PCCA: variants seen among roughly 807,000 people sequenced by gnomAD.
The protein encoded by PCCA is propionyl-CoA carboxylase subunit alpha.
Under a neutral mutation model 101.3 loss-of-function variants are expected in PCCA, and 74 were observed. The observed-to-expected ratio is 0.73, with a 90% CI of 0.61 to 0.89. PCCA has a LOEUF of 0.89. PCCA is among the 40% of genes least tolerant of loss of function. PCCA has a pLI of 0.00. For missense variants in PCCA, 891 were observed against 907.0 expected (o/e 0.98, Z 0.23); for synonymous variants, 294 against 313.6 (o/e 0.94, Z 0.66).
chr13:100,133,458 G>A (rs1253502476), intron 4 of PCCA, among the ~76,000 whole-genome samples: 1 of 152,110 alleles, frequency 6.6e-6, no homozygotes, highest in African/African-American at 2.4e-5. Flanking sequence ...TCATGTCTAA[G>A]AACTCTTTAC....
At chr13:100,306,255 C>T (rs2066440073) in intron 14 of PCCA, among the ~76,000 whole-genome samples, 1 of 152,224 alleles carries the variant, frequency 6.6e-6, no homozygotes, top group Non-Finnish European at 1.5e-5. Context: ...TTCCGCTCTT[C>T]TCTTCCCACC....
At chr13:100,442,000 T>TA (rs67742024) in intron 20 of PCCA, among the ~76,000 whole-genome samples, 3 of 93,772 alleles carry the variant, frequency 3.2e-5, no homozygotes, top group Non-Finnish European at 5.1e-5. Context: ...TTTTTTTTTT[T>TA]TTTTTATTTT....
At chr13:100,403,852 C>G (rs1288620801) in intron 19 of PCCA, among the ~76,000 whole-genome samples, 1 of 152,128 alleles carries the variant, frequency 6.6e-6, no homozygotes, top group African/African-American at 2.4e-5. Context: ...GCAAACACTG[C>G]GAACTTCCTG....
intron 19 of PCCA, among the ~76,000 whole-genome samples, chr13:100,389,516 G>A (rs921289602): frequency 6.6e-6 from 1 of 152,070 alleles, no homozygotes; most frequent in Non-Finnish European, 1.5e-5. Context: ...GAAAAATAAT[G>A]GATACTAGGC....
chr13:100,212,220 A>C (rs1319328777), intron 7 of PCCA, among the ~76,000 whole-genome samples: 1 of 152,214 alleles, frequency 6.6e-6, no homozygotes, highest in African/African-American at 2.4e-5. Flanking sequence ...TAGCCCATGC[A>C]CACCTATTTT....
At chr13:100,363,195 C>A (rs115546809) in intron 18 of PCCA, among the ~76,000 whole-genome samples, 2,874 of 152,068 alleles carry the variant, frequency 0.019, 91 homozygotes, top group African/African-American at 0.067. Flanking sequence ...GTGAGTTTTC[C>A]AGTGAATTGC....
chr13:100,271,723 G>T (rs926034064), intron 11 of PCCA, among the ~76,000 whole-genome samples: 2 of 152,158 alleles, frequency 1.3e-5, no homozygotes, highest in Admixed American at 1.3e-4. Flanking sequence ...CTTTTAAGGA[G>T]TTCTTGTTTT....
At chr13:100,508,209 G>A (rs1443775021) in intron 21 of PCCA, among the ~76,000 whole-genome samples, 2 of 152,112 alleles carry the variant, frequency 1.3e-5, no homozygotes, top group Non-Finnish European at 2.9e-5. Context: ...CCTTAAGATG[G>A]TTCTTTTCTC....
At chr13:100,093,809 C>T (rs1247809558) in intron 1 of PCCA, among the ~76,000 whole-genome samples, 2 of 152,050 alleles carry the variant, frequency 1.3e-5, no homozygotes, top group Non-Finnish European at 1.5e-5. Context: ...TGTGGTGGCA[C>T]GTGCCTGTGG....
intron 19 of PCCA, among the ~76,000 whole-genome samples, chr13:100,384,801 A>C (rs1031843502): frequency 6.6e-6 from 1 of 152,130 alleles, no homozygotes; most frequent in Non-Finnish European, 1.5e-5. Flanking sequence ...TGGCTTAAAT[A>C]CAGAGAAGGC....
chr13:100,300,479 G>A (rs1273280867), intron 12 of PCCA, among the ~76,000 whole-genome samples: 1 of 152,098 alleles, frequency 6.6e-6, no homozygotes, highest in African/African-American at 2.4e-5. Context: ...CTTTTCCTGT[G>A]TCAGAGTGTA....
chr13:100,281,953 A>G (rs1382852644), intron 12 of PCCA, among the ~76,000 whole-genome samples: 2 of 152,170 alleles, frequency 1.3e-5, no homozygotes, highest in African/African-American at 4.8e-5. Context: ...TTATCAGTTT[A>G]CCTCTTAAAT....
intron 4 of PCCA, among the ~76,000 whole-genome samples, chr13:100,122,375 C>T (rs1190715531): frequency 6.6e-6 from 1 of 152,126 alleles, no homozygotes; most frequent in Non-Finnish European, 1.5e-5. Flanking sequence ...AAACCTTTCT[C>T]TCATCTTCTA....
chr13:100,411,821 C>G (rs1390052799), intron 19 of PCCA, among the ~76,000 whole-genome samples: 1 of 152,114 alleles, frequency 6.6e-6, no homozygotes, highest in Admixed American at 6.5e-5. Flanking sequence ...GAGGGCTCCA[C>G]CCCCACCACC....
intron 20 of PCCA, among the ~76,000 whole-genome samples, chr13:100,446,851 G>C (rs1377360422): frequency 6.6e-6 from 1 of 152,110 alleles, no homozygotes; most frequent in Non-Finnish European, 1.5e-5. Flanking sequence ...TTTTTACAAG[G>C]CTTATTCTGA....
chr13:100,204,979 T>C (rs983406529), intron 6 of PCCA, among the ~76,000 whole-genome samples: 1 of 152,116 alleles, frequency 6.6e-6, no homozygotes, highest in Non-Finnish European at 1.5e-5. Flanking sequence ...TGAATCACTT[T>C]AATGATGAAA....
intron 21 of PCCA, among the ~76,000 whole-genome samples, chr13:100,472,273 C>T (rs2083079534): frequency 6.6e-6 from 1 of 152,042 alleles, no homozygotes; most frequent in African/African-American, 2.4e-5. Flanking sequence ...TCCCTGGGCA[C>T]GACGACCTTG....
At chr13:100,172,264 A>G (rs1279862152) in intron 6 of PCCA, among the ~76,000 whole-genome samples, 2 of 152,084 alleles carry the variant, frequency 1.3e-5, no homozygotes, top group African/African-American at 2.4e-5. Flanking sequence ...ACATGAGACA[A>G]ACTTTTGAAG....
chr13:100,433,036 C>G (rs889907598), intron 20 of PCCA, among the ~76,000 whole-genome samples: 13 of 152,118 alleles, frequency 8.5e-5, no homozygotes, highest in South Asian at 2.1e-4. Context: ...TTATCCATTC[C>G]TCTGTCAACG....
Sources: gnomAD v4.1 joint callset for allele counts (sites outside exome capture counted in the v4.1 genomes callset) on GRCh38, gnomAD v4.1.1 for gene constraint, MANE v1.5 for transcripts, NCBI Gene and HGNC (gene_info 2026-07-23, HGNC 2026-07-21) for gene names.